The following GRM7 variants were observed in gnomAD, a reference collection of about 807,000 sequenced individuals.
GRM7 encodes the protein glutamate metabotropic receptor 7.
In GRM7, 35 loss-of-function variants were observed where a neutral mutation model predicts 84.5. That is an observed-to-expected ratio of 0.41 (90% confidence interval 0.32 to 0.55). The LOEUF (loss-of-function observed/expected upper bound fraction) is 0.55, where lower values mean the gene tolerates loss of function less well. Ranked by LOEUF, GRM7 falls within the 20% of genes least tolerant of loss-of-function variation. The pLI is 0.19. For synonymous variants in GRM7, 487 were observed against 455.1 expected (o/e 1.07, Z -0.89); for missense variants, 1,003 against 1,194.6 (o/e 0.84, Z 2.36).
At chr3:7,533,824 G>T (rs559247984) in intron 7 of GRM7, among the ~76,000 whole-genome samples, 23 of 152,140 alleles carry the variant, frequency 1.5e-4, no homozygotes, top group Non-Finnish European at 2.8e-4. Context: ...AATTCAAAAG[G>T]GTAATAGGAG....
At chr3:6,903,758 T>A (rs917015197) in intron 1 of GRM7, among the ~76,000 whole-genome samples, 2 of 152,196 alleles carry the variant, frequency 1.3e-5, no homozygotes, top group African/African-American at 4.8e-5. Flanking sequence ...CAGTTTCTCT[T>A]TAACCGTATC....
chr3:7,680,190 G>T lies in GRM7; in HGVS notation c.2593G>T (p.Ala865Ser). Residue 865 changes from alanine (A) to serine (S), a missense_variant, in exon 9 of 10, where the codon GCG becomes TCG. Transcript: ENST00000357716. ...NVQKRKRSFK[A>S]VVTAATMSSR... is the part of the protein sequence containing the mutation. ...CCAGAAACGGAAGCGAAGCTTCAAG[G>T]CGGTAGTCACAGCAGCCACCATGTC... 3 of 1,614,180 alleles carry T rather than the reference G, an allele frequency of 1.9e-6. No homozygotes were observed. The highest frequency in any genetic ancestry group is 2.5e-6 in the Non-Finnish European group (3 of 1,180,030).
Position 7,578,435 on chromosome 3 carries a change from A to T in GRM7, c.1529A>T (p.Gln510Leu). The change falls in exon 8 of 10, where the codon CAG becomes CTG. Residue 510 changes from glutamine (Q) to leucine (L), a missense_variant. Coordinates refer to ENST00000357716, the MANE Select transcript of GRM7 (RefSeq NM_000844.4). The part of the protein sequence containing the change: ...DELQLNIEDM[Q>L]WGKGVREIPA... ...CTTATGTTACAGATAGAAGACATGC[A>T]GTGGGGTAAAGGAGTCCGAGAGATA... 1 of 1,604,812 alleles carries T rather than the reference A, an allele frequency of 6.2e-7. No homozygotes were observed. Among genetic ancestry groups the T allele is most frequent in the Non-Finnish European group, 8.5e-7 (1 of 1,173,210 alleles).
chr3:7,011,247 A>G (rs924521160), intron 1 of GRM7, among the ~76,000 whole-genome samples: 2 of 152,234 alleles, frequency 1.3e-5, no homozygotes, highest in African/African-American at 4.8e-5. Flanking sequence ...AATGTTACCA[A>G]TAATAACAGC....
At chr3:7,404,712 T>C (rs966356613) in intron 4 of GRM7, among the ~76,000 whole-genome samples, 2 of 152,084 alleles carry the variant, frequency 1.3e-5, no homozygotes, top group Non-Finnish European at 2.9e-5. Context: ...TTTAAGATCT[T>C]GTCCATCTCT....
At chr3:7,052,858 T>C (rs533173370) in intron 1 of GRM7, among the ~76,000 whole-genome samples, 2 of 151,374 alleles carry the variant, frequency 1.3e-5, no homozygotes, top group African/African-American at 4.8e-5. Context: ...TAAACACTTA[T>C]GAACAAGGCT....
At chr3:7,193,979 A>G (rs932841424) in intron 2 of GRM7, among the ~76,000 whole-genome samples, 1 of 152,084 alleles carries the variant, frequency 6.6e-6, no homozygotes, top group Non-Finnish European at 1.5e-5. Flanking sequence ...ACTGGCTCTA[A>G]AAGTACTGAC....
At chr3:7,554,904 G>A (rs1476844794) in intron 7 of GRM7, among the ~76,000 whole-genome samples, 1 of 152,196 alleles carries the variant, frequency 6.6e-6, no homozygotes, top group East Asian at 1.9e-4. Flanking sequence ...CTAAAATAGA[G>A]TCCCAAGTTG....
At chr3:7,017,474 A>G (rs1162609891) in intron 1 of GRM7, among the ~76,000 whole-genome samples, 1 of 152,232 alleles carries the variant, frequency 6.6e-6, no homozygotes, top group East Asian at 1.9e-4. Flanking sequence ...ACAGTATTGA[A>G]CGGAATAATG....
chr3:7,716,164 G>C lies in GRM7; in HGVS notation c.2699-24193G>C, dbSNP rs75553980. Reference sequence around the variant, plus strand: ...AGCTTTCTAATCATGCTGTGGGGGGGTGTTTTCCTAGTTCAGAGACATATG... The same window carrying C: ...AGCTTTCTAATCATGCTGTGGGGGGCTGTTTTCCTAGTTCAGAGACATATG... On this transcript the variant is annotated intron_variant, in intron 9 of 9. Coordinates refer to ENST00000357716, the MANE Select transcript of GRM7 (RefSeq NM_000844.4). 2.9e-3 allele frequency among the ~76,000 whole-genome samples: 435 copies of C among 152,210 alleles called. 3 individuals are homozygous for C. The highest frequency in any genetic ancestry group is 9.9e-3 in the African/African-American group (412 of 41,538).
intron 1 of GRM7, among the ~76,000 whole-genome samples, chr3:6,983,845 T>C (rs772722279): frequency 1.3e-5 from 2 of 152,072 alleles, no homozygotes; most frequent in African/African-American, 2.4e-5. Context: ...AAAATATTAA[T>C]AGATCTTACT....
chr3:7,719,539 G>A (rs369118878), intron 9 of GRM7, among the ~76,000 whole-genome samples: 4 of 151,998 alleles, frequency 2.6e-5, no homozygotes, highest in East Asian at 1.9e-4. Context: ...ACAGCTGGGC[G>A]CGGTGGCTCA....
At chr3:7,694,340 TTTTCTG>T (rs762331597) in intron 9 of GRM7, 147 of 560,354 alleles carry the variant, frequency 2.6e-4, no homozygotes, top group Non-Finnish European at 3.1e-4. Flanking sequence ...ATTAACTGGA[TTTTCTG>T]TTTCTGTTTC....
At chr3:6,887,068 A>G (rs1313553989) in intron 1 of GRM7, among the ~76,000 whole-genome samples, 1 of 151,874 alleles carries the variant, frequency 6.6e-6, no homozygotes. Context: ...ATTCCTTTAT[A>G]TATTTGGGGA....
At chr3:7,554,792 A>G (rs1693680466) in intron 7 of GRM7, among the ~76,000 whole-genome samples, 1 of 152,216 alleles carries the variant, frequency 6.6e-6, no homozygotes, top group African/African-American at 2.4e-5. Flanking sequence ...AAGGCAGGAT[A>G]TTGATGGACA....
chr3:6,899,892 T>C (rs1696324220), intron 1 of GRM7, among the ~76,000 whole-genome samples: 1 of 152,024 alleles, frequency 6.6e-6, no homozygotes, highest in Admixed American at 6.6e-5. Flanking sequence ...TAATTAGAGG[T>C]GTGTGTGTGA....
intron 5 of GRM7, among the ~76,000 whole-genome samples, chr3:7,435,834 C>G (rs1426265879): frequency 6.7e-6 from 1 of 150,218 alleles, no homozygotes; most frequent in African/African-American, 2.4e-5. Context: ...ACTACAGGCG[C>G]CCGCCACCAC....
In GRM7 at chr3:6,990,003, C is replaced by T. The variant is rs80340521; in HGVS notation, c.519+128096C>T. 7.3e-3 allele frequency among the ~76,000 whole-genome samples: 1,116 copies of T among 152,310 alleles called. 10 individuals are homozygous for T. The highest frequency in any genetic ancestry group is 0.025 in the African/African-American group (1,026 of 41,558). On this transcript the variant is annotated intron_variant, in intron 1 of 9. Transcript: ENST00000357716. ...TCAGTTGCTCTGATTTTGTGACTTT[C>T]AAGAACACAGGATGCTAGCTGACTC... is the stretch of plus-strand genomic sequence containing the variant.
At chr3:6,985,453 G>C (rs1257191258) in intron 1 of GRM7, among the ~76,000 whole-genome samples, 1 of 152,136 alleles carries the variant, frequency 6.6e-6, no homozygotes, top group African/African-American at 2.4e-5. Context: ...GAGAACATGT[G>C]ATGTTTGTCT....
Sources: allele counts gnomAD v4.1 joint callset (sites outside exome capture counted in the v4.1 genomes callset), GRCh38; gene constraint gnomAD v4.1.1; transcripts MANE v1.5; gene names NCBI Gene and HGNC (gene_info 2026-07-23, HGNC 2026-07-21).